The following EEIG2 variants were observed in gnomAD, a reference collection of about 807,000 sequenced individuals.
The protein encoded by EEIG2 is EEIG family member 2, also known as family with sequence similarity 102 member B.
chr1:108,585,773 G>A, the EEIG2 span, among the ~76,000 whole-genome samples: 1 of 152,066 alleles, frequency 6.6e-6, no homozygotes, highest in African/African-American at 2.4e-5. Flanking sequence ...GACAACCAGA[G>A]CAGAGCCTTC....
the EEIG2 span, among the ~76,000 whole-genome samples, chr1:108,620,684 G>A: frequency 6.6e-6 from 1 of 152,098 alleles, no homozygotes; most frequent in African/African-American, 2.4e-5. Context: ...TTAAAACTCT[G>A]TAATATAAAT....
the EEIG2 span, among the ~76,000 whole-genome samples, chr1:108,586,916 A>G: frequency 3.3e-5 from 5 of 152,208 alleles, no homozygotes; most frequent in African/African-American, 1.2e-4. Context: ...TGGAAGAACA[A>G]GTAACCTACT....
chr1:108,597,656 A>C, the EEIG2 span, among the ~76,000 whole-genome samples: 12 of 151,974 alleles, frequency 7.9e-5, no homozygotes, highest in African/African-American at 2.9e-4. Flanking sequence ...ACTAGTTATC[A>C]CTTGTCTGTC....
chr1:108,629,001 C>T, the EEIG2 span, among the ~76,000 whole-genome samples: 13,265 of 152,160 alleles, frequency 0.087, 673 homozygotes, highest in Middle Eastern at 0.2. Flanking sequence ...AGAAAAAGAA[C>T]AAATGTTAGT....
the EEIG2 span, among the ~76,000 whole-genome samples, chr1:108,570,027 A>G: frequency 6.6e-6 from 1 of 152,210 alleles, no homozygotes; most frequent in Non-Finnish European, 1.5e-5. Context: ...GCTACCAGTC[A>G]TTTCACACCA....
At chr1:108,606,234 T>C in the EEIG2 span, 1 of 1,564,934 alleles carries the variant, frequency 6.4e-7, no homozygotes, top group Non-Finnish European at 8.7e-7. Flanking sequence ...AATTAAAAGG[T>C]GGAAAAGCTT....
At chr1:108,638,080 T>TC in the EEIG2 span, 15 of 152,630 alleles carry the variant, frequency 9.8e-5, no homozygotes, top group Non-Finnish European at 1.9e-4. Context: ...TACTTTTTTT[T>TC]CTTCCTTTTT....
the EEIG2 span, among the ~76,000 whole-genome samples, chr1:108,579,772 T>TGTGTGTGTGTGAGAGAGAGAGA: frequency 1.2e-4 from 7 of 58,870 alleles, no homozygotes; most frequent in Middle Eastern, 9.8e-3. Flanking sequence ...TGTGTGTGTG[T>TGTGTGTGTGTGAGAGAGAGAGA]GAGAGAGAGA....
At chr1:108,560,329 TC>T in the EEIG2 span, 1 of 974,698 alleles carries the variant, frequency 1.0e-6, no homozygotes, top group Non-Finnish European at 1.2e-6. Flanking sequence ...CGCGCACAGC[TC>T]GCGGCCCCGG....
the EEIG2 span, chr1:108,600,534 TA>T: frequency 6.2e-7 from 1 of 1,607,536 alleles, no homozygotes; most frequent in East Asian, 2.2e-5. Context: ...CAATAATAGT[TA>T]ATTAATTGGC....
chr1:108,635,044 TAC>T, the EEIG2 span: 1 of 1,558,962 alleles, frequency 6.4e-7, no homozygotes, highest in South Asian at 1.1e-5. Flanking sequence ...GGGGTAAGGT[TAC>T]TTGGAACAGT....
At chr1:108,583,732 G>A in the EEIG2 span, among the ~76,000 whole-genome samples, 1 of 152,048 alleles carries the variant, frequency 6.6e-6, no homozygotes, top group Admixed American at 6.6e-5. Context: ...TGTTAGGATT[G>A]CAGAATAGTT....
the EEIG2 span, chr1:108,627,910 T>A: frequency 2.2e-6 from 1 of 452,658 alleles, no homozygotes. Flanking sequence ...TTGCATAGAC[T>A]GAACTAATAA....
At chr1:108,630,773 A>G in the EEIG2 span, among the ~76,000 whole-genome samples, 2 of 152,134 alleles carry the variant, frequency 1.3e-5, no homozygotes, top group Non-Finnish European at 2.9e-5. Context: ...ACTTCTGTGC[A>G]CCCCTAATTC....
chr1:108,564,717 C>T, the EEIG2 span, among the ~76,000 whole-genome samples: 5 of 152,074 alleles, frequency 3.3e-5, no homozygotes, highest in East Asian at 1.9e-4. Flanking sequence ...CCGAGACACG[C>T]GGATTGGTTG....
the EEIG2 span, among the ~76,000 whole-genome samples, chr1:108,617,240 A>G: frequency 2.0e-3 from 306 of 152,240 alleles, 2 homozygotes; most frequent in Admixed American, 8.6e-3. Context: ...TGAGATAGAA[A>G]AGCTATTGGA....
the EEIG2 span, chr1:108,616,238 T>C: frequency 1.7e-6 from 1 of 605,716 alleles, no homozygotes; most frequent in South Asian, 1.8e-5. Flanking sequence ...CAAACAATCC[T>C]CCTGCCTTAG....
the EEIG2 span, among the ~76,000 whole-genome samples, chr1:108,564,213 G>GT: frequency 6.6e-6 from 1 of 151,860 alleles, no homozygotes; most frequent in African/African-American, 2.4e-5. Context: ...TTAAAGTGGC[G>GT]TATCACCTGG....
the EEIG2 span, chr1:108,616,477 G>T: frequency 8.3e-7 from 1 of 1,208,182 alleles, no homozygotes; most frequent in Non-Finnish European, 1.2e-6. Context: ...GTATAAGAAA[G>T]ATTTATTTGT....
Sources: gnomAD v4.1 joint callset for allele counts (sites outside exome capture counted in the v4.1 genomes callset) on GRCh38, gnomAD v4.1.1 for gene constraint, MANE v1.5 for transcripts, NCBI Gene and HGNC (gene_info 2026-07-23, HGNC 2026-07-21) for gene names.